Variants in SCYL2 observed in about 807,000 individuals in gnomAD.
SCYL2 encodes SCY1 like pseudokinase 2.
Under a neutral mutation model 100.4 loss-of-function variants are expected in SCYL2, and 36 were observed. That is an observed-to-expected ratio of 0.36 (90% CI 0.27 to 0.47). SCYL2 has a LOEUF of 0.47. Ranked by LOEUF, SCYL2 falls within the 20% of genes least tolerant of loss-of-function variation. SCYL2 has a pLI of 1.00. For synonymous variants in SCYL2, 330 were observed against 359.2 expected, an observed-to-expected ratio of 0.92 and a Z score of 0.92; for missense variants, 902 against 1,083.9, an observed-to-expected ratio of 0.83 and a Z score of 2.36.
Position 100,317,755 on chromosome 12 carries a change from C to T in SCYL2, c.1273-48C>T, listed in dbSNP as rs138241391. 2.2e-4 allele frequency: 335 copies of T among 1,545,538 alleles called. 2 individuals carry two copies. The East Asian group carries it at 5.6e-3, about 26-fold the overall frequency. On this transcript the variant is annotated intron_variant, in intron 9 of 17. Coordinates refer to ENST00000360820, the MANE Select transcript of SCYL2 (RefSeq NM_017988.6). ...GCTTTACATTTGGCATATATTGAATCTTTTAAAGATTCCAGGTTTTAATAC... is the reference window on the plus strand; with the variant it reads ...GCTTTACATTTGGCATATATTGAATTTTTTAAAGATTCCAGGTTTTAATAC...
Position 100,271,157 on chromosome 12 carries a change from T to A in SCYL2, c.-29+3365T>A, listed in dbSNP as rs1046930874. 6.6e-5 allele frequency among the ~76,000 whole-genome samples: 10 copies of A among 151,312 alleles called. No homozygotes were observed. The Admixed American group carries it at 6.6e-4, about 10-fold the overall frequency. On this transcript the variant is annotated intron_variant, in intron 1 of 17. Coordinates refer to ENST00000360820, the MANE Select transcript of SCYL2 (RefSeq NM_017988.6). ...TTTGAAAACTTTCTTTTAAAAAACT[T>A]CTAGTAATCTCTGAGTGCTCCCACA...
chr12:100,313,992 T>G (rs2135904559), intron 7 of SCYL2, among the ~76,000 whole-genome samples: 1 of 151,860 alleles, frequency 6.6e-6, no homozygotes, highest in South Asian at 2.1e-4. Flanking sequence ...GCAATTCTCA[T>G]GCCTCAGCCT....
intron 4 of SCYL2, among the ~76,000 whole-genome samples, chr12:100,298,851 G>T (rs555903083): frequency 6.6e-6 from 1 of 152,118 alleles, no homozygotes; most frequent in Admixed American, 6.6e-5. Context: ...CAAAGTGCTG[G>T]GATTACAAGA....
chr12:100,334,063 T>TA, intron 13 of SCYL2, 103 bp from the exon 14 acceptor site: 1 of 693,544 alleles, frequency 1.4e-6, no homozygotes, highest in East Asian at 2.7e-5. Flanking sequence ...ATTCTACTGG[T>TA]AAAAATGGAG....
rs1952349991 is a variant in SCYL2, at chr12:100,341,294, G to A, written c.*2122G>A. Reference sequence around the variant, plus strand: ...TATTTTTCAGCTTAAGTGTTCTTAAGTGAATGAAATTTTCAAAGTACTAGA... The same window carrying A: ...TATTTTTCAGCTTAAGTGTTCTTAAATGAATGAAATTTTCAAAGTACTAGA... On this transcript the variant is annotated 3_prime_UTR_variant, in exon 18 of 18. Transcript: ENST00000360820. The A allele has an allele frequency of 1.3e-5, 2 of 152,032 alleles. No individual in the cohort carries two copies. Among genetic ancestry groups the A allele is most frequent in the Non-Finnish European group, 2.9e-5 (2 of 67,952 alleles). 9.4% of individuals were successfully genotyped at this position (152,032 alleles called of 1,614,324 possible).
rs747738855 is a variant in SCYL2 at position 100,329,261 on chromosome 12, G to A, written c.1703G>A (p.Gly568Glu). The change falls in exon 13 of 18, where the codon GGA becomes GAA. Residue 568 changes from glycine to glutamate, a missense_variant. By Grantham distance (98) the Gly-to-Glu change is moderately conservative. Transcript: ENST00000360820. ...GGAATCACCAAAGAGCAGCTGGCCG[G>A]AAAAGTGTTGCCTCATCTTATTCCC... is the stretch of plus-strand genomic sequence containing the variant. ...KLGITKEQLA[G>E]KVLPHLIPLS... 6.2e-7 allele frequency: 1 copy of A among 1,610,112 alleles called. No homozygotes were observed. The highest frequency in any genetic ancestry group is 1.1e-5 in the South Asian group (1 of 90,920).
intron 9 of SCYL2, among the ~76,000 whole-genome samples, chr12:100,316,155 C>G (rs2096348438): frequency 6.6e-6 from 1 of 152,194 alleles, no homozygotes; most frequent in African/African-American, 2.4e-5. Context: ...AGTTGTTTCT[C>G]TCCATTTTAT....
chr12:100,287,835 T>A (rs2096306086), intron 2 of SCYL2, among the ~76,000 whole-genome samples: 1 of 152,202 alleles, frequency 6.6e-6, no homozygotes, highest in Non-Finnish European at 1.5e-5. Context: ...ATATTTTAAT[T>A]AAAGATGATA....
At chr12:100,298,567 G>A (rs1025944367) in intron 4 of SCYL2, among the ~76,000 whole-genome samples, 1 of 151,804 alleles carries the variant, frequency 6.6e-6, no homozygotes, top group South Asian at 2.1e-4. Flanking sequence ...TTTCTTTTTT[G>A]AGACGGAGTT....
chr12:100,312,435 A>G lies in SCYL2; in HGVS notation c.634A>G (p.Lys212Glu). ...SSTNPSEQEP[K>E]FPCKEWDPNL... ...GTAATTCCTTTTCTTACTACAGCCT[A>G]AATTTCCTTGTAAAGAATGGGACCC... Residue 212 changes from lysine (K) to glutamate (E), a missense_variant, in exon 6 of 18, where the codon AAA (lysine) becomes GAA (glutamate). Transcript: ENST00000360820. The G allele has an allele frequency of 6.2e-7, 1 of 1,609,440 alleles. No homozygotes were observed.
chr12:100,324,735 G>T (rs541794964), intron 11 of SCYL2, among the ~76,000 whole-genome samples: 15 of 152,270 alleles, frequency 9.9e-5, no homozygotes, highest in African/African-American at 3.4e-4. Context: ...AAAAGTCACT[G>T]TGCCTCTCTG....
At chr12:100,282,319 CTTTTTTTTTTT>C (rs1180915936) in intron 1 of SCYL2, among the ~76,000 whole-genome samples, 1 of 85,608 alleles carries the variant, frequency 1.2e-5, no homozygotes, top group African/African-American at 4.7e-5. Flanking sequence ...CACTTTTAGT[CTTTTTTTTTTT>C]TTTTTTTTTT....
intron 9 of SCYL2, among the ~76,000 whole-genome samples, chr12:100,316,275 A>G (rs2096348619): frequency 6.6e-6 from 1 of 152,186 alleles, no homozygotes; most frequent in Non-Finnish European, 1.5e-5. Flanking sequence ...TATATAATAT[A>G]TATTTGCTAG....
At chr12:100,320,192 A>C (rs1409511751) in intron 10 of SCYL2, among the ~76,000 whole-genome samples, 2 of 152,096 alleles carry the variant, frequency 1.3e-5, no homozygotes, top group Admixed American at 1.3e-4. Flanking sequence ...TTGAGGTTTG[A>C]TTTTGTGTTT....
chr12:100,321,201 T>C (rs2096355423), intron 10 of SCYL2, among the ~76,000 whole-genome samples: 1 of 152,246 alleles, frequency 6.6e-6, no homozygotes, highest in African/African-American at 2.4e-5. Context: ...TAAGAATAAG[T>C]TAAAGCAAAT....
chr12:100,332,454 G>T (rs1952222233), intron 13 of SCYL2, among the ~76,000 whole-genome samples: 1 of 152,144 alleles, frequency 6.6e-6, no homozygotes, highest in Non-Finnish European at 1.5e-5. Context: ...AGCAGTTTAG[G>T]CCTACAATGT....
At chr12:100,321,536 T>A (rs556682714) in intron 10 of SCYL2, among the ~76,000 whole-genome samples, 3 of 152,356 alleles carry the variant, frequency 2.0e-5, no homozygotes, top group Non-Finnish European at 4.4e-5. Flanking sequence ...ATTTCTACTA[T>A]GGCACCACAT....
intron 10 of SCYL2, chr12:100,319,209 T>C (rs1272713568): frequency 2.2e-6 from 1 of 455,986 alleles, no homozygotes; most frequent in Non-Finnish European, 4.4e-6. Flanking sequence ...TTAACATTTT[T>C]TTCCTTATAA....
rs1247924611 is a variant in SCYL2, at chr12:100,341,457, C to T, written c.*2285C>T. 6.6e-6 allele frequency: 1 copy of T among 152,094 alleles called. No homozygotes were observed. The highest frequency in any genetic ancestry group is 6.5e-5 in the Admixed American group (1 of 15,276). 9.4% of individuals were successfully genotyped at this position (152,094 alleles called of 1,614,324 possible). A position where few individuals can be genotyped will look rare whatever the true frequency, so the allele number is the denominator to read the frequency against. On this transcript the variant is annotated 3_prime_UTR_variant, in exon 18 of 18. Coordinates refer to ENST00000360820, the MANE Select transcript of SCYL2 (RefSeq NM_017988.6). Reference sequence around the variant, plus strand: ...GCATTTGAATTAGTTCTCTATTCTCCTATTGCTAAATGTGTGATATATAGA... The same window carrying T: ...GCATTTGAATTAGTTCTCTATTCTCTTATTGCTAAATGTGTGATATATAGA...
Sources: gnomAD v4.1 joint callset for allele counts (sites outside exome capture counted in the v4.1 genomes callset) on GRCh38, gnomAD v4.1.1 for gene constraint, MANE v1.5 for transcripts, NCBI Gene and HGNC (gene_info 2026-07-23, HGNC 2026-07-21) for gene names.